The following USH2A variants were observed in gnomAD, a reference collection of about 807,000 sequenced individuals.
USH2A encodes usherin, also known as Usher syndrome 2A (autosomal recessive, mild).
In USH2A, 443 loss-of-function variants were observed where a neutral mutation model predicts 538.9. That is an observed-to-expected ratio of 0.82 (90% CI 0.76 to 0.89). The LOEUF (loss-of-function observed/expected upper bound fraction) is 0.89, where lower values mean the gene tolerates loss of function less well. Among genes scored for constraint, USH2A ranks in the 40% least tolerant of loss-of-function variants. The probability of loss-of-function intolerance (pLI) is 0.00; values close to 1 mark genes in which losing one functional copy is unlikely to be tolerated. For synonymous variants in USH2A, 2,413 were observed against 2,273.5 expected, an observed-to-expected ratio of 1.06 and a Z score of -1.75; for missense variants, 6,633 against 6,324.8, an observed-to-expected ratio of 1.05 and a Z score of -1.65.
At chr1:215,875,926 GAT>G (rs1664755036) in intron 43 of USH2A, among the ~76,000 whole-genome samples, 1 of 116,456 alleles carries the variant, frequency 8.6e-6, no homozygotes, top group Non-Finnish European at 1.8e-5. Context: ...AATATATATT[GAT>G]TATTATATAT....
chr1:215,991,244 T>G (rs17025831), intron 35 of USH2A, among the ~76,000 whole-genome samples: 19,554 of 152,198 alleles, frequency 0.13, 1,341 homozygotes, highest in Middle Eastern at 0.2. Flanking sequence ...GAAGATATGT[T>G]ATAAGGCAAT....
intron 32 of USH2A, among the ~76,000 whole-genome samples, chr1:216,024,623 T>C (rs1316584516): frequency 3.9e-5 from 6 of 152,028 alleles, no homozygotes; most frequent in Non-Finnish European, 8.8e-5. Flanking sequence ...GAAACATGTA[T>C]TTGACTTAGC....
intron 13 of USH2A, among the ~76,000 whole-genome samples, chr1:216,241,353 T>A (rs918704965): frequency 6.6e-6 from 1 of 152,212 alleles, no homozygotes; most frequent in African/African-American, 2.4e-5. Context: ...GGCAGGGCTC[T>A]TTACATTTTA....
At chr1:216,419,566 C>A (rs2039640842) in intron 2 of USH2A, among the ~76,000 whole-genome samples, 1 of 152,030 alleles carries the variant, frequency 6.6e-6, no homozygotes, top group Non-Finnish European at 1.5e-5. Flanking sequence ...GTTGAGGGGT[C>A]TCACTTTGTG....
At chr1:216,087,092 G>A (rs985166241) in intron 23 of USH2A, among the ~76,000 whole-genome samples, 3 of 152,284 alleles carry the variant, frequency 2.0e-5, no homozygotes, top group Admixed American at 2.0e-4. Flanking sequence ...ATAGTGGGCT[G>A]GGTTCCAGTA....
chr1:216,006,959 C>T (rs1558207668), intron 32 of USH2A, among the ~76,000 whole-genome samples: 1 of 152,148 alleles, frequency 6.6e-6, no homozygotes, highest in Admixed American at 6.5e-5. Flanking sequence ...AATTGTAGTT[C>T]CCATAATTCC....
chr1:215,901,354 G>T, intron 38 of USH2A: 1 of 186,890 alleles, frequency 5.4e-6, no homozygotes, highest in South Asian at 9.9e-5. Flanking sequence ...GAACACAATG[G>T]CTTTCTTTTC....
At chr1:216,104,335 C>T (rs1210796575) in intron 21 of USH2A, among the ~76,000 whole-genome samples, 10 of 151,706 alleles carry the variant, frequency 6.6e-5, no homozygotes, top group African/African-American at 1.2e-4. Context: ...TTTGTCCTTG[C>T]GATAGTTTGC....
chr1:216,394,940 G>A (rs1358667623), intron 3 of USH2A, among the ~76,000 whole-genome samples: 8 of 151,810 alleles, frequency 5.3e-5, no homozygotes, highest in Admixed American at 1.3e-4. Context: ...GGATGGTCTC[G>A]CTCTCCTGAC....
In USH2A at chr1:216,081,569, A is replaced by G. The variant is rs1447561216; in HGVS notation, c.5298+1887T>C. ...GCCAAGCACATAATAGGCACTCCGTATATATTTATCTAAGTGTATTGATTT... is the reference window on the plus strand; with the variant it reads ...GCCAAGCACATAATAGGCACTCCGTGTATATTTATCTAAGTGTATTGATTT... On this transcript the variant is annotated intron_variant, in intron 26 of 71. Coordinates refer to ENST00000307340, the MANE Select transcript of USH2A (RefSeq NM_206933.4). Among the ~76,000 whole-genome samples the G allele has an allele frequency of 7.2e-5, 11 of 151,958 alleles. 1 individual carries two copies. Among genetic ancestry groups the G allele is most frequent in the Admixed American group, 7.2e-4 (11 of 15,234 alleles).
chr1:216,276,746 G>C (rs1227548354), intron 11 of USH2A, among the ~76,000 whole-genome samples: 1 of 152,090 alleles, frequency 6.6e-6, no homozygotes, highest in Non-Finnish European at 1.5e-5. Flanking sequence ...GCAGCAGGCA[G>C]AGAAAGCTTG....
intron 54 of USH2A, among the ~76,000 whole-genome samples, 175 bp from the exon 55 acceptor site, chr1:215,780,216 T>C (rs934451508): frequency 6.6e-6 from 1 of 152,104 alleles, no homozygotes; most frequent in Non-Finnish European, 1.5e-5. Flanking sequence ...ATTTAAACAA[T>C]GAAATCTGAC....
intron 3 of USH2A, among the ~76,000 whole-genome samples, chr1:216,403,946 A>G (rs938161009): frequency 6.6e-6 from 1 of 151,990 alleles, no homozygotes; most frequent in African/African-American, 2.4e-5. Context: ...CTCTCTCCTG[A>G]CGCCACGTGA....
At chr1:216,147,487 C>T (rs2033735267) in intron 21 of USH2A, among the ~76,000 whole-genome samples, 1 of 152,142 alleles carries the variant, frequency 6.6e-6, no homozygotes, top group South Asian at 2.1e-4. Context: ...AAATCCAGCC[C>T]AGTTCATGAC....
At chr1:216,382,855 A>G (rs1431926184) in intron 3 of USH2A, among the ~76,000 whole-genome samples, 2 of 152,182 alleles carry the variant, frequency 1.3e-5, no homozygotes, top group Non-Finnish European at 2.9e-5. Flanking sequence ...CTTGGACATA[A>G]AAGGAATAAA....
intron 56 of USH2A, among the ~76,000 whole-genome samples, chr1:215,763,988 T>A (rs1661058453): frequency 6.6e-6 from 1 of 152,088 alleles, no homozygotes; most frequent in African/African-American, 2.4e-5. Flanking sequence ...GTGGTAGTAT[T>A]TGAGAGAAGA....
At chr1:216,369,920 C>CAAAA (rs71161416) in intron 3 of USH2A, among the ~76,000 whole-genome samples, 7 of 127,390 alleles carry the variant, frequency 5.5e-5, no homozygotes, top group East Asian at 2.2e-4. Flanking sequence ...GAGACTCTGC[C>CAAAA]AAAAAAAAAA....
At chr1:216,372,832 A>G (rs1482620089) in intron 3 of USH2A, among the ~76,000 whole-genome samples, 1 of 152,180 alleles carries the variant, frequency 6.6e-6, no homozygotes, top group African/African-American at 2.4e-5. Flanking sequence ...CTTCATCACA[A>G]TATTAGATAC....
At chr1:215,950,246 C>T (rs892716826) in intron 37 of USH2A, among the ~76,000 whole-genome samples, 2 of 151,864 alleles carry the variant, frequency 1.3e-5, no homozygotes, top group Admixed American at 6.6e-5. Flanking sequence ...CCTAAATATC[C>T]AACAATAAGG....
Sources: allele counts gnomAD v4.1 joint callset (sites outside exome capture counted in the v4.1 genomes callset), GRCh38; gene constraint gnomAD v4.1.1; transcripts MANE v1.5; gene names NCBI Gene and HGNC (gene_info 2026-07-23, HGNC 2026-07-21).